SEZ6L: variants seen among roughly 807,000 people sequenced by gnomAD.
The protein encoded by SEZ6L is seizure related 6 homolog like, also known as seizure 6-like protein.
A neutral mutation model predicts 106.2 loss-of-function variants in SEZ6L; 37 were observed. The observed-to-expected ratio is 0.35, with a 90% confidence interval of 0.27 to 0.46. SEZ6L has a LOEUF of 0.46. SEZ6L is among the 20% of genes least tolerant of loss of function. The pLI, the probability that SEZ6L is intolerant of heterozygous loss-of-function variation, is 1.00. For missense variants in SEZ6L, 1,172 were observed against 1,332.8 expected, an observed-to-expected ratio of 0.88 and a Z score of 1.88; for synonymous variants, 541 against 570.4, an observed-to-expected ratio of 0.95 and a Z score of 0.73.
intron 16 of SEZ6L, 81 bp from the exon 17 acceptor site, chr22:26,380,185 A>G (rs1201328805): frequency 2.3e-6 from 3 of 1,325,666 alleles, no homozygotes; most frequent in African/African-American, 1.4e-5. Flanking sequence ...GGACATACAG[A>G]GGTGCAAAGA....
intron 13 of SEZ6L, among the ~76,000 whole-genome samples, chr22:26,369,031 A>G (rs1278111451): frequency 6.6e-6 from 1 of 151,708 alleles, no homozygotes; most frequent in Non-Finnish European, 1.5e-5. Context: ...TCTAACCCAG[A>G]TCTCCCAAAG....
At chr22:26,324,159 C>G (rs1490999422) in intron 9 of SEZ6L, among the ~76,000 whole-genome samples, 2 of 151,758 alleles carry the variant, frequency 1.3e-5, no homozygotes, top group Admixed American at 6.6e-5. Context: ...AAATTCCGAG[C>G]TCCATCTTAC....
At chr22:26,340,834 G>A (rs947863899) in intron 10 of SEZ6L, among the ~76,000 whole-genome samples, 1 of 152,210 alleles carries the variant, frequency 6.6e-6, no homozygotes, top group Admixed American at 6.5e-5. Flanking sequence ...ATCGATGTCT[G>A]TGTGGCTTTG....
chr22:26,250,886 C>T (rs886642483), intron 1 of SEZ6L, among the ~76,000 whole-genome samples: 6 of 152,106 alleles, frequency 3.9e-5, no homozygotes, highest in African/African-American at 1.4e-4. Flanking sequence ...CTTAGCTAAA[C>T]TTATTCCTAA....
At chr22:26,369,338 G>GTCCTTTTTTTTTT (rs2083927308) in intron 13 of SEZ6L, among the ~76,000 whole-genome samples, 2 of 83,646 alleles carry the variant, frequency 2.4e-5, no homozygotes, top group African/African-American at 1.5e-4. Context: ...TATATAAGCA[G>GTCCTTTTTTTTTT]TTCTTTTGTT....
intron 12 of SEZ6L, among the ~76,000 whole-genome samples, chr22:26,352,323 A>T (rs1209678144): frequency 6.6e-6 from 1 of 152,204 alleles, no homozygotes; most frequent in Non-Finnish European, 1.5e-5. Context: ...CTAATATTTT[A>T]AATTAGTGTG....
chr22:26,212,447 A>T (rs2078188244), intron 1 of SEZ6L, among the ~76,000 whole-genome samples: 1 of 152,196 alleles, frequency 6.6e-6, no homozygotes, highest in African/African-American at 2.4e-5. Flanking sequence ...TTCTGAGGCA[A>T]GGTCTCACTG....
intron 1 of SEZ6L, among the ~76,000 whole-genome samples, chr22:26,289,450 A>C (rs1276763262): frequency 6.6e-6 from 1 of 152,212 alleles, no homozygotes; most frequent in Non-Finnish European, 1.5e-5. Flanking sequence ...AGGTTCAAGG[A>C]CTTGCCCAGA....
Position 26,297,043 on chromosome 22 carries a change from G to A in SEZ6L, c.1125G>A (p.Gln375=), listed in dbSNP as rs1293971082. Residue 375 remains glutamine, a synonymous_variant, in exon 4 of 17, where the codon CAG becomes CAA. Coordinates refer to ENST00000248933, the MANE Select transcript of SEZ6L (RefSeq NM_021115.5). The part of the protein sequence containing the change: ...NTISVYFRTF[Q]DDGLGTFQLH... ...TCTCCGTCTACTTCCGGACCTTCCA[G>A]GACGACGGCCTTGGGACCTTCCAGC... The A allele has an allele frequency of 6.2e-7, 1 of 1,613,864 alleles. No individual in the cohort carries two copies. Among genetic ancestry groups the A allele is most frequent in the Non-Finnish European group, 8.5e-7 (1 of 1,179,884 alleles).
intron 11 of SEZ6L, among the ~76,000 whole-genome samples, chr22:26,349,220 CT>C (rs1394601595): frequency 6.6e-6 from 1 of 152,158 alleles, no homozygotes; most frequent in Non-Finnish European, 1.5e-5. Context: ...GTTCTCTCTT[CT>C]GATGAAATGA....
At chr22:26,360,823 T>G (rs573359032) in intron 12 of SEZ6L, among the ~76,000 whole-genome samples, 1 of 152,062 alleles carries the variant, frequency 6.6e-6, no homozygotes, top group East Asian at 1.9e-4. Flanking sequence ...TCTAATTCAC[T>G]GCTTCATACC....
At chr22:26,365,158 G>A (rs1473341942) in intron 12 of SEZ6L, among the ~76,000 whole-genome samples, 1 of 152,216 alleles carries the variant, frequency 6.6e-6, no homozygotes, top group Non-Finnish European at 1.5e-5. Context: ...TGATTCCTCA[G>A]CCAACTTCAT....
intron 1 of SEZ6L, among the ~76,000 whole-genome samples, chr22:26,231,001 C>G (rs949946768): frequency 2.0e-5 from 3 of 152,134 alleles, no homozygotes; most frequent in Admixed American, 1.3e-4. Flanking sequence ...GGGGCTTAGC[C>G]CAGGAGGGTT....
intron 1 of SEZ6L, among the ~76,000 whole-genome samples, chr22:26,199,834 G>A (rs570333104): frequency 6.6e-6 from 1 of 152,308 alleles, no homozygotes; most frequent in Admixed American, 6.5e-5. Context: ...TGAAGAGGAG[G>A]AAAGGGAGCT....
intron 1 of SEZ6L, among the ~76,000 whole-genome samples, chr22:26,239,092 C>T (rs868494168): frequency 3.3e-5 from 5 of 152,184 alleles, no homozygotes; most frequent in South Asian, 2.1e-4. Flanking sequence ...GGCATGATGT[C>T]ATGTGCTTGT....
chr22:26,333,505 G>T (rs2082552454), intron 9 of SEZ6L, among the ~76,000 whole-genome samples: 1 of 151,920 alleles, frequency 6.6e-6, no homozygotes, highest in South Asian at 2.1e-4. Context: ...GAAGAGTCCA[G>T]TCGGGGTTAG....
At chr22:26,350,509 G>A (rs1392935570) in intron 11 of SEZ6L, among the ~76,000 whole-genome samples, 2 of 151,924 alleles carry the variant, frequency 1.3e-5, no homozygotes, top group African/African-American at 4.8e-5. Context: ...TAGGATTACA[G>A]GCATGAGCTA....
chr22:26,246,465 G>T (rs1427812038), intron 1 of SEZ6L, among the ~76,000 whole-genome samples: 2 of 152,080 alleles, frequency 1.3e-5, no homozygotes, highest in East Asian at 3.9e-4. Context: ...TTAATCTAGA[G>T]AGGAAGGTAG....
intron 9 of SEZ6L, among the ~76,000 whole-genome samples, chr22:26,317,146 G>C (rs367551820): frequency 2.6e-5 from 4 of 152,308 alleles, no homozygotes; most frequent in African/African-American, 9.6e-5. Context: ...GGATCAAAGG[G>C]AAGCTCTGGG....
Sources: allele counts gnomAD v4.1 joint callset (sites outside exome capture counted in the v4.1 genomes callset), GRCh38; gene constraint gnomAD v4.1.1; transcripts MANE v1.5; gene names NCBI Gene and HGNC (gene_info 2026-07-23, HGNC 2026-07-21).